The following TOX2 variants were observed in gnomAD, a reference collection of about 807,000 sequenced individuals.
TOX2 encodes the protein TOX high mobility group box family member 2.
TOX2 carries 15 observed loss-of-function variants against 47.4 expected under a neutral mutation model. The ratio of observed to expected loss-of-function variants is 0.32; its 90% CI spans 0.21 to 0.49. TOX2 has a LOEUF of 0.49. Among genes scored for constraint, TOX2 ranks in the 20% least tolerant of loss-of-function variants. The pLI is 0.99. For synonymous variants in TOX2, 290 were observed against 296.6 expected, an observed-to-expected ratio of 0.98 and a Z score of 0.23; for missense variants, 622 against 673.1, an observed-to-expected ratio of 0.92 and a Z score of 0.84.
At chr20:43,925,822 A>AT (rs1438327199) in intron 1 of TOX2, among the ~76,000 whole-genome samples, 2 of 152,054 alleles carry the variant, frequency 1.3e-5, no homozygotes, top group East Asian at 3.9e-4. Flanking sequence ...ATTTGTCCCC[A>AT]TTTTTTTAGG....
chr20:43,930,814 C>A (rs770692666), intron 1 of TOX2, among the ~76,000 whole-genome samples: 12 of 152,172 alleles, frequency 7.9e-5, no homozygotes, highest in Non-Finnish European at 1.5e-4. Context: ...TGAGGGAAAT[C>A]ACCTGCTATG....
intron 3 of TOX2, among the ~76,000 whole-genome samples, chr20:44,013,224 G>A (rs2070810248): frequency 6.6e-6 from 1 of 152,154 alleles, no homozygotes; most frequent in Non-Finnish European, 1.5e-5. Flanking sequence ...CTTGGAGTTA[G>A]GGACAGGGTC....
At chr20:43,944,563 C>T (rs6031251) in intron 1 of TOX2, among the ~76,000 whole-genome samples, 10,698 of 152,226 alleles carry the variant, frequency 0.07, 785 homozygotes, top group African/African-American at 0.18. Context: ...GCCTCTCCCT[C>T]CTCCTGCAGA....
intron 4 of TOX2, among the ~76,000 whole-genome samples, chr20:44,053,439 TACACACACACACACACACAC>T (rs111951284): frequency 4.2e-5 from 6 of 143,108 alleles, no homozygotes; most frequent in Non-Finnish European, 3.0e-5. Flanking sequence ...GGCAGATATA[TACACACACACACACACACAC>T]ACACACACAC....
intron 2 of TOX2, among the ~76,000 whole-genome samples, chr20:43,994,739 A>C (rs544064506): frequency 6.6e-6 from 1 of 152,174 alleles, no homozygotes; most frequent in Non-Finnish European, 1.5e-5. Context: ...CTTGAGTCAG[A>C]TTGTGTCCTG....
intron 3 of TOX2, among the ~76,000 whole-genome samples, chr20:44,027,400 G>A (rs2071083368): frequency 6.6e-6 from 1 of 152,076 alleles, no homozygotes; most frequent in Non-Finnish European, 1.5e-5. Flanking sequence ...AGCCCACCCG[G>A]AACCCACCAC....
chr20:43,932,476 G>C (rs117909368), intron 1 of TOX2, among the ~76,000 whole-genome samples: 1,559 of 152,304 alleles, frequency 0.01, 31 homozygotes, highest in East Asian at 0.057. Context: ...TAGAAAACAG[G>C]GAAGTTAGTA....
At chr20:43,967,241 G>A (rs1600691515) in intron 1 of TOX2, among the ~76,000 whole-genome samples, 1 of 152,118 alleles carries the variant, frequency 6.6e-6, no homozygotes, top group Non-Finnish European at 1.5e-5. Context: ...AGTGCTGGAG[G>A]TGTTGAATTT....
chr20:44,062,078 C>T (rs998397351), intron 5 of TOX2, among the ~76,000 whole-genome samples: 2 of 151,778 alleles, frequency 1.3e-5, no homozygotes, highest in Admixed American at 6.6e-5. Flanking sequence ...GACAAGGATG[C>T]CCATTTATTC....
At position 44,069,276 on chromosome 20, in the gene TOX2, A is replaced by G. The variant is rs2071895585; in HGVS notation, c.*590A>G. On this transcript the variant is annotated 3_prime_UTR_variant, in exon 9 of 9. Transcript: ENST00000341197. ...TTTATATGATCCTTAGCACATTTTTAAGTTTTATCTTAAGGGAGACGCGCA... is the reference window on the plus strand; with the variant it reads ...TTTATATGATCCTTAGCACATTTTTGAGTTTTATCTTAAGGGAGACGCGCA... The G allele has an allele frequency of 5.2e-6, 1 of 193,168 alleles. No individual in the cohort carries two copies. Among genetic ancestry groups the G allele is most frequent in the African/African-American group, 2.4e-5 (1 of 42,450 alleles). The allele number at this position is 193,168 out of a possible 1,614,324, so 12.0% of individuals were successfully genotyped here.
At chr20:44,050,562 G>A (rs976025806) in intron 3 of TOX2, among the ~76,000 whole-genome samples, 18 of 152,268 alleles carry the variant, frequency 1.2e-4, no homozygotes, top group Non-Finnish European at 8.8e-5. Context: ...TCCTCAATGC[G>A]TGTTTAGTGT....
At chr20:44,048,886 C>T (rs1226288791) in intron 3 of TOX2, among the ~76,000 whole-genome samples, 1 of 152,216 alleles carries the variant, frequency 6.6e-6, no homozygotes, top group Non-Finnish European at 1.5e-5. Context: ...TATAAAATCC[C>T]AGCACTTTGG....
chr20:43,937,268 G>A lies in TOX2; in HGVS notation c.99+22278G>A, dbSNP rs375210821. On this transcript the variant is annotated intron_variant, in intron 1 of 8. Transcript: ENST00000341197. ...AAAGTGCCAGTTTCTTTTAAGTGTC[G>A]GCAACCTTGGGCTGGGAAAGGAACT... 1.1e-4 allele frequency among the ~76,000 whole-genome samples: 16 copies of A among 152,248 alleles called. 1 individual carries two copies. Among genetic ancestry groups the A allele is most frequent in the Admixed American group, 3.9e-4 (6 of 15,304 alleles).
At chr20:43,917,287 C>T (rs1454282426) in intron 1 of TOX2, among the ~76,000 whole-genome samples, 2 of 152,150 alleles carry the variant, frequency 1.3e-5, no homozygotes, top group Admixed American at 1.3e-4. Flanking sequence ...AGGCTGTGAT[C>T]AGGAACTCCC....
At chr20:43,986,607 C>T (rs1478491030) in intron 2 of TOX2, among the ~76,000 whole-genome samples, 1 of 151,926 alleles carries the variant, frequency 6.6e-6, no homozygotes, top group Admixed American at 6.6e-5. Flanking sequence ...ATGGTATACT[C>T]CCACCGAAAC....
chr20:44,007,456 G>A (rs1211584701), intron 3 of TOX2: 1 of 152,476 alleles, frequency 6.6e-6, no homozygotes, highest in Non-Finnish European at 1.5e-5. Flanking sequence ...AACAGAGCAG[G>A]TCAAAACTCC....
At chr20:43,967,509 C>CCAA (rs2069878603) in intron 1 of TOX2, among the ~76,000 whole-genome samples, 3 of 152,192 alleles carry the variant, frequency 2.0e-5, no homozygotes, top group Non-Finnish European at 4.4e-5. Context: ...TCCACGCATC[C>CCAA]CCAACACCCA....
At chr20:43,971,619 C>T (rs1363720810) in intron 1 of TOX2, among the ~76,000 whole-genome samples, 1 of 152,208 alleles carries the variant, frequency 6.6e-6, no homozygotes, top group African/African-American at 2.4e-5. Context: ...GATAAACTCA[C>T]ACCTATGCTC....
chr20:44,018,387 T>C (rs1333689707), intron 3 of TOX2, among the ~76,000 whole-genome samples: 1 of 152,162 alleles, frequency 6.6e-6, no homozygotes, highest in Non-Finnish European at 1.5e-5. Context: ...TCCTGAGTCA[T>C]GAGGGAGAAT....
Sources: allele counts gnomAD v4.1 joint callset (sites outside exome capture counted in the v4.1 genomes callset), GRCh38; gene constraint gnomAD v4.1.1; transcripts MANE v1.5; gene names NCBI Gene and HGNC (gene_info 2026-07-23, HGNC 2026-07-21).